The following TTC3 variants were observed in gnomAD, a reference collection of about 807,000 sequenced individuals.
The protein encoded by TTC3 is tetratricopeptide repeat domain 3.
TTC3 carries 180 observed loss-of-function variants against 249.6 expected under a neutral mutation model. The ratio of observed to expected loss-of-function variants is 0.72; its 90% CI spans 0.64 to 0.82. TTC3 has a LOEUF of 0.82. Among genes scored for constraint, TTC3 ranks in the 40% least tolerant of loss-of-function variants. TTC3 has a pLI of 0.00. For synonymous variants in TTC3, 717 were observed against 805.0 expected, an observed-to-expected ratio of 0.89 and a Z score of 1.85; for missense variants, 2,061 against 2,398.4, an observed-to-expected ratio of 0.86 and a Z score of 2.94.
rs558508862 is a variant in TTC3, at chr21:37,158,589, G to A, written c.2993-1110G>A. 7.9e-5 allele frequency among the ~76,000 whole-genome samples: 12 copies of A among 152,268 alleles called. No individual in the cohort carries two copies. The East Asian group carries it at 1.7e-3, about 22-fold the overall frequency. ...GAGTGCTTTGATAATTGAGAGCCCC[G>A]ACTTTTTCCCTGACCTCTTCATGCA... On this transcript the variant is annotated intron_variant, in intron 28 of 45. Coordinates refer to ENST00000355666, the Ensembl canonical transcript of TTC3.
chr21:37,112,700 C>A (rs1322706152), intron 11 of TTC3, among the ~76,000 whole-genome samples: 1 of 152,106 alleles, frequency 6.6e-6, no homozygotes. Context: ...ATGAAGCCAG[C>A]ATCATCCTGA....
At position 37,192,879 on chromosome 21, in the gene TTC3, A is replaced by T. The variant is rs916781031; in HGVS notation, c.5217+666A>T. Among the ~76,000 whole-genome samples, 3 of 152,358 alleles carry T rather than the reference A, an allele frequency of 2.0e-5. No homozygotes were observed. In the South Asian group the frequency reaches 6.2e-4, roughly 32 times the overall value. Reference sequence around the variant, plus strand: ...AATTGCATTTTGTGGACTTTACAACATGGCTAAACCCATATTTCTTAGATT... The same window carrying T: ...AATTGCATTTTGTGGACTTTACAACTTGGCTAAACCCATATTTCTTAGATT... On this transcript the variant is annotated intron_variant, in intron 41 of 45. Coordinates refer to ENST00000355666, the Ensembl canonical transcript of TTC3.
chr21:37,080,917 G>C (rs958738034), intron 1 of TTC3, among the ~76,000 whole-genome samples: 4 of 151,504 alleles, frequency 2.6e-5, no homozygotes, highest in Non-Finnish European at 4.4e-5. Flanking sequence ...TTATGTTCCA[G>C]GTGTCTTGGT....
chr21:37,172,801 G>A, intron 35 of TTC3, 57 bp downstream of exon 35: 1 of 1,589,452 alleles, frequency 6.3e-7, no homozygotes, highest in Non-Finnish European at 8.6e-7. Flanking sequence ...GAGAATGTGA[G>A]TGTAGCTGTG....
chr21:37,081,968 C>G (rs1290159902), intron 1 of TTC3: 1 of 151,664 alleles, frequency 6.6e-6, no homozygotes, highest in Non-Finnish European at 1.5e-5. Flanking sequence ...GGGTTCACGC[C>G]ATTCTCCTGC....
At chr21:37,122,224 T>C (rs375235739) in intron 12 of TTC3, among the ~76,000 whole-genome samples, 2 of 151,948 alleles carry the variant, frequency 1.3e-5, no homozygotes, top group East Asian at 1.9e-4. Flanking sequence ...CAAATTGTTA[T>C]TTATTCCTCT....
At chr21:37,163,412 G>A (rs924983099) in intron 31 of TTC3, among the ~76,000 whole-genome samples, 2 of 152,130 alleles carry the variant, frequency 1.3e-5, no homozygotes, top group Non-Finnish European at 2.9e-5. Flanking sequence ...GCGCAATGGC[G>A]TGATCTCAGC....
At chr21:37,150,383 G>A (rs1006958353) in intron 24 of TTC3, among the ~76,000 whole-genome samples, 7 of 152,072 alleles carry the variant, frequency 4.6e-5, no homozygotes, top group African/African-American at 1.4e-4. Context: ...AATAGGAAAA[G>A]GAGGCTTTTT....
At chr21:37,104,482 C>T (rs542656340) in intron 10 of TTC3, among the ~76,000 whole-genome samples, 17 of 149,884 alleles carry the variant, frequency 1.1e-4, no homozygotes, top group African/African-American at 3.7e-4. Flanking sequence ...CTCAGTTACT[C>T]GGGAGGCTGA....
At position 37,169,975 on chromosome 21, in the gene TTC3, C is replaced by T. The variant is rs551083388; in HGVS notation, c.4467+2355C>T. ...ATCAATCTTGGTCCCTACCTCATTC[C>T]TTATACCAAAATAAGTTCCAGGCAG... is the stretch of plus-strand genomic sequence containing the variant. On this transcript the variant is annotated intron_variant, in intron 34 of 45. Coordinates refer to ENST00000355666, the Ensembl canonical transcript of TTC3. 1.5e-3 allele frequency among the ~76,000 whole-genome samples: 223 copies of T among 152,168 alleles called. 2 individuals carry two copies. The highest frequency in any genetic ancestry group is 4.9e-3 in the African/African-American group (204 of 41,516).
At chr21:37,134,400 A>T (rs925539862) in intron 17 of TTC3, among the ~76,000 whole-genome samples, 1 of 150,234 alleles carries the variant, frequency 6.7e-6, no homozygotes. Flanking sequence ...CAGTGAGCCG[A>T]GATCTGCCAC....
In TTC3 at chr21:37,154,782, G is replaced by A. The variant is rs565107585; in HGVS notation, c.2740+1505G>A. Reference sequence around the variant, plus strand: ...GCGATCTCGGCTCACTGCAAGCTCCGCCTCCCGGGTTCACGCCATTCTCCT... The same window carrying A: ...GCGATCTCGGCTCACTGCAAGCTCCACCTCCCGGGTTCACGCCATTCTCCT... On this transcript the variant is annotated intron_variant, in intron 27 of 45. Transcript: ENST00000355666. 6.6e-5 allele frequency among the ~76,000 whole-genome samples: 10 copies of A among 152,124 alleles called. No individual in the cohort carries two copies. The East Asian group carries it at 1.5e-3, about 24-fold the overall frequency.
chr21:37,081,892 T>G (rs2071723345), intron 1 of TTC3: 2 of 148,512 alleles, frequency 1.3e-5, no homozygotes, highest in South Asian at 4.3e-4. Flanking sequence ...TAAGATGGAG[T>G]CTCTCTCTGT....
exon 33 of TTC3, chr21:37,166,220 A>G (rs764829053): frequency 2.5e-6 from 4 of 1,614,212 alleles, no homozygotes; most frequent in Non-Finnish European, 3.4e-6. Flanking sequence ...GCCAGCATAC[A>G]TAAACGTGTT....
At chr21:37,084,751 T>C (rs1387687192) in intron 1 of TTC3, among the ~76,000 whole-genome samples, 1 of 152,088 alleles carries the variant, frequency 6.6e-6, no homozygotes, top group African/African-American at 2.4e-5. Flanking sequence ...TCCCAGCACT[T>C]TGGGAGGCCG....
At chr21:37,161,803 G>A (rs1282519253) in intron 30 of TTC3, among the ~76,000 whole-genome samples, 187 bp from the exon 31 acceptor site, 1 of 152,098 alleles carries the variant, frequency 6.6e-6, no homozygotes, top group African/African-American at 2.4e-5. Flanking sequence ...ATGTTAATTT[G>A]AGCTTATTTT....
intron 11 of TTC3, among the ~76,000 whole-genome samples, chr21:37,110,629 C>T (rs2075571174): frequency 6.6e-6 from 1 of 152,168 alleles, no homozygotes; most frequent in Non-Finnish European, 1.5e-5. Flanking sequence ...TTGGAAATAT[C>T]TGTAGGATAT....
chr21:37,160,907 T>A (rs771234627), intron 30 of TTC3, 49 bp downstream of exon 30: 1 of 1,562,386 alleles, frequency 6.4e-7, no homozygotes, highest in South Asian at 1.1e-5. Context: ...TCCAAAATAG[T>A]TAGTTGGACA....
chr21:37,146,606 G>A (rs1347968118), intron 21 of TTC3, among the ~76,000 whole-genome samples: 1 of 152,160 alleles, frequency 6.6e-6, no homozygotes, highest in African/African-American at 2.4e-5. Flanking sequence ...AACACAAAGG[G>A]CTTGTGTGAG....
Sources: allele counts gnomAD v4.1 joint callset (sites outside exome capture counted in the v4.1 genomes callset), GRCh38; gene constraint gnomAD v4.1.1; transcripts MANE v1.5; gene names NCBI Gene and HGNC (gene_info 2026-07-23, HGNC 2026-07-21).